The following NTNG1 variants were observed in gnomAD, a reference collection of about 807,000 sequenced individuals.
NTNG1 encodes the protein netrin-G1.
A neutral mutation model predicts 54.0 loss-of-function variants in NTNG1; 16 were observed. That is an observed-to-expected ratio of 0.30 (90% CI 0.20 to 0.45). The LOEUF (loss-of-function observed/expected upper bound fraction) is 0.45, where lower values mean the gene tolerates loss of function less well. Ranked by LOEUF, NTNG1 falls within the 20% of genes least tolerant of loss-of-function variation. The probability of loss-of-function intolerance (pLI) is 1.00; values close to 1 mark genes in which losing one functional copy is unlikely to be tolerated. For synonymous variants in NTNG1, 255 were observed against 263.1 expected (o/e 0.97, Z 0.30); for missense variants, 530 against 678.7 (o/e 0.78, Z 2.43).
At chr1:107,465,149 T>C in intron 7 of NTNG1, among the ~76,000 whole-genome samples, 1 of 152,186 alleles carries the variant, frequency 6.6e-6, no homozygotes, top group Non-Finnish European at 1.5e-5. Flanking sequence ...TCTCAGGAAT[T>C]ACTGAATCCT....
intron 2 of NTNG1, among the ~76,000 whole-genome samples, chr1:107,277,589 C>T (rs1259294167): frequency 6.6e-6 from 1 of 152,138 alleles, no homozygotes; most frequent in Non-Finnish European, 1.5e-5. Context: ...CTACAGGAAA[C>T]TGTGGGCACA....
At chr1:107,441,507 T>A (rs1237333354) in intron 7 of NTNG1, among the ~76,000 whole-genome samples, 1 of 152,104 alleles carries the variant, frequency 6.6e-6, no homozygotes, top group African/African-American at 2.4e-5. Context: ...AAAAGCAAAG[T>A]ACACATAGCA....
At chr1:107,264,555 A>G (rs1375984389) in intron 2 of NTNG1, among the ~76,000 whole-genome samples, 3 of 152,182 alleles carry the variant, frequency 2.0e-5, no homozygotes, top group African/African-American at 7.2e-5. Context: ...GGATTTTTCT[A>G]TCATACTGCC....
chr1:107,156,341 T>G (rs1654997877), intron 2 of NTNG1, among the ~76,000 whole-genome samples: 1 of 152,132 alleles, frequency 6.6e-6, no homozygotes, highest in Non-Finnish European at 1.5e-5. Flanking sequence ...ATATGAGAAT[T>G]TTTTTCTATT....
At chr1:107,332,397 A>T (rs1668335102) in intron 3 of NTNG1, among the ~76,000 whole-genome samples, 1 of 152,134 alleles carries the variant, frequency 6.6e-6, no homozygotes, top group Admixed American at 6.6e-5. Context: ...AAAATGGATA[A>T]ATAAAATAAT....
intron 3 of NTNG1, among the ~76,000 whole-genome samples, chr1:107,343,638 C>T (rs1669048681): frequency 6.6e-6 from 1 of 152,008 alleles, no homozygotes; most frequent in Admixed American, 6.6e-5. Flanking sequence ...GACGCTCTAT[C>T]CCTGAACGAA....
At chr1:107,436,877 T>C in intron 7 of NTNG1, 78 bp downstream of exon 7, 1 of 1,346,490 alleles carries the variant, frequency 7.4e-7, no homozygotes. Flanking sequence ...GCGTGCAGCT[T>C]CTCAGAGCAG....
At chr1:107,409,258 G>A (rs574165127) in intron 5 of NTNG1, 6 of 152,302 alleles carry the variant, frequency 3.9e-5, no homozygotes, top group African/African-American at 1.4e-4. Flanking sequence ...GTGCATTTTA[G>A]TGCAACAGGG....
intron 2 of NTNG1, among the ~76,000 whole-genome samples, chr1:107,254,744 T>G (rs982870182): frequency 6.6e-6 from 1 of 152,240 alleles, no homozygotes; most frequent in African/African-American, 2.4e-5. Flanking sequence ...TAGAACAGAC[T>G]TTTGTTTAGT....
intron 7 of NTNG1, among the ~76,000 whole-genome samples, chr1:107,462,023 C>T (rs1315316936): frequency 6.6e-6 from 1 of 152,124 alleles, no homozygotes; most frequent in Non-Finnish European, 1.5e-5. Flanking sequence ...GTGGCTTGGA[C>T]CATTAGGAGC....
At chr1:107,395,066 A>G in intron 3 of NTNG1, 88 bp from the exon 4 acceptor site, 1 of 995,828 alleles carries the variant, frequency 1.0e-6, no homozygotes, top group Non-Finnish European at 1.5e-6. Flanking sequence ...AAAGCACTGC[A>G]TGGTTTGAGG....
At chr1:107,250,719 G>T (rs1190399149) in intron 2 of NTNG1, among the ~76,000 whole-genome samples, 1 of 5,222 alleles carries the variant, frequency 1.9e-4, no homozygotes, top group East Asian at 2.2e-3. Context: ...AGGCAAGAGG[G>T]TCGGCCCTGC....
chr1:107,417,686 C>T (rs1674311250), intron 5 of NTNG1, among the ~76,000 whole-genome samples: 1 of 151,964 alleles, frequency 6.6e-6, no homozygotes, highest in Non-Finnish European at 1.5e-5. Context: ...TGGGTGGTAC[C>T]AAAGGACAAC....
chr1:107,455,192 T>C (rs146771164), intron 7 of NTNG1, among the ~76,000 whole-genome samples: 47 of 152,218 alleles, frequency 3.1e-4, no homozygotes, highest in Non-Finnish European at 5.4e-4. Flanking sequence ...GCCTCCCAAG[T>C]AGCTGGGATT....
intron 2 of NTNG1, among the ~76,000 whole-genome samples, chr1:107,242,654 T>C (rs766358227): frequency 6.6e-5 from 10 of 152,176 alleles, no homozygotes; most frequent in African/African-American, 1.2e-4. Context: ...GCTGTACTTA[T>C]AAGGTAGTTG....
chr1:107,154,836 A>C (rs1654857662), intron 2 of NTNG1, among the ~76,000 whole-genome samples: 1 of 151,958 alleles, frequency 6.6e-6, no homozygotes. Context: ...GAGATACCAG[A>C]CTATGTTGAG....
chr1:107,382,445 A>G (rs1194293284), intron 3 of NTNG1, among the ~76,000 whole-genome samples: 1 of 152,190 alleles, frequency 6.6e-6, no homozygotes, highest in Non-Finnish European at 1.5e-5. Context: ...TCATTAAAAC[A>G]TTTGTACACA....
chr1:107,417,429 A>T (rs190438488), intron 5 of NTNG1, among the ~76,000 whole-genome samples: 1 of 152,238 alleles, frequency 6.6e-6, no homozygotes, highest in Admixed American at 6.5e-5. Flanking sequence ...CAACATGATA[A>T]TACCTGTTTA....
chr1:107,372,810 G>T (rs1005748953), intron 3 of NTNG1, among the ~76,000 whole-genome samples: 1 of 151,892 alleles, frequency 6.6e-6, no homozygotes, highest in African/African-American at 2.4e-5. Flanking sequence ...TCAATTTAAA[G>T]TTCTGCTTCA....
Sources: allele counts gnomAD v4.1 joint callset (sites outside exome capture counted in the v4.1 genomes callset), GRCh38; gene constraint gnomAD v4.1.1; transcripts MANE v1.5; gene names NCBI Gene and HGNC (gene_info 2026-07-23, HGNC 2026-07-21).